CNBD1: variants seen among roughly 807,000 people sequenced by gnomAD.
CNBD1 encodes cyclic nucleotide-binding domain-containing protein 1.
CNBD1 carries 71 observed loss-of-function variants against 54.4 expected under a neutral mutation model. That is an observed-to-expected ratio of 1.30 (90% CI 1.08 to 1.59). The LOEUF is 1.59. Ranked by LOEUF, CNBD1 falls within the 40% of genes most tolerant of loss-of-function variation. CNBD1 has a pLI of 0.00. For synonymous variants in CNBD1, 182 were observed against 170.7 expected (o/e 1.07, Z -0.51); for missense variants, 659 against 518.0 (o/e 1.27, Z -2.64).
chr8:87,341,903 A>T (rs1332338764), intron 8 of CNBD1, among the ~76,000 whole-genome samples: 1 of 151,282 alleles, frequency 6.6e-6, no homozygotes, highest in Non-Finnish European at 1.5e-5. Flanking sequence ...TACGAAACAG[A>T]CTAAGAATCT....
At chr8:87,402,132 C>A (rs1807576286) in intron 2 of CNBD1, among the ~76,000 whole-genome samples, 1 of 151,954 alleles carries the variant, frequency 6.6e-6, no homozygotes, top group Non-Finnish European at 1.5e-5. Flanking sequence ...GGCAAGAGAG[C>A]AAGTGTAGGG....
intron 4 of CNBD1, among the ~76,000 whole-genome samples, chr8:87,195,793 G>A (rs896541809): frequency 6.6e-5 from 10 of 151,414 alleles, no homozygotes; most frequent in African/African-American, 2.2e-4. Flanking sequence ...CACTGGTCTC[G>A]AACTCCTGAC....
downstream of CNBD1, among the ~76,000 whole-genome samples, chr8:87,383,971 G>A (rs1357176679): frequency 6.6e-6 from 1 of 151,992 alleles, no homozygotes; most frequent in African/African-American, 2.4e-5. Flanking sequence ...TGTTTGCCAG[G>A]ACTGGTAATG....
intron 4 of CNBD1, among the ~76,000 whole-genome samples, chr8:87,176,980 G>C (rs1813214709): frequency 6.6e-6 from 1 of 152,040 alleles, no homozygotes; most frequent in Admixed American, 6.6e-5. Flanking sequence ...TCTAGAACCA[G>C]GTTTAAGCCA....
intron 8 of CNBD1, among the ~76,000 whole-genome samples, chr8:87,328,303 G>T (rs757266390): frequency 1.3e-5 from 2 of 150,950 alleles, no homozygotes; most frequent in African/African-American, 4.9e-5. Flanking sequence ...GAATTTTTCT[G>T]GGCTTTTTAT....
intron 10 of CNBD1, among the ~76,000 whole-genome samples, chr8:87,362,751 T>A (rs967697739): frequency 1.3e-5 from 2 of 152,082 alleles, no homozygotes; most frequent in African/African-American, 2.4e-5. Context: ...TAAATTTATA[T>A]CCTTTTAGAT....
intron 8 of CNBD1, among the ~76,000 whole-genome samples, chr8:87,293,890 A>G (rs761551506): frequency 1.7e-4 from 26 of 152,238 alleles, no homozygotes; most frequent in Non-Finnish European, 3.5e-4. Flanking sequence ...GCTTTAGAAT[A>G]GTTGATCAAA....
intron 4 of CNBD1, among the ~76,000 whole-genome samples, chr8:87,188,758 A>T (rs2943171): frequency 0.45 from 65,492 of 146,274 alleles, 15,412 homozygotes; most frequent in Admixed American, 0.53. Context: ...CAAAAAAAAA[A>T]AAAAATAAAA....
At position 87,370,048 on chromosome 8, in the gene CNBD1, G is replaced by T. The variant is rs189167703; in HGVS notation, c.1304-12572G>T. Reference sequence around the variant, plus strand: ...CGATTTCATCCATGTCCCTACAAAGGACATGAACTCATCATTTTTTATGGC... The same window carrying T: ...CGATTTCATCCATGTCCCTACAAAGTACATGAACTCATCATTTTTTATGGC... On this transcript the variant is annotated intron_variant, in intron 10 of 10. Transcript: ENST00000518476. Among the ~76,000 whole-genome samples the T allele has an allele frequency of 1.7e-3, 253 of 152,022 alleles. 5 individuals carry two copies. The Middle Eastern group carries it at 0.027, about 16-fold the overall frequency.
intron 4 of CNBD1, among the ~76,000 whole-genome samples, chr8:87,178,389 T>C (rs1421232369): frequency 6.6e-6 from 1 of 152,094 alleles, no homozygotes; most frequent in Non-Finnish European, 1.5e-5. Context: ...AATGCAGATA[T>C]CTGGAGAAAG....
intron 1 of CNBD1, among the ~76,000 whole-genome samples, chr8:86,876,172 T>G (rs1439680862): frequency 1.1e-5 from 1 of 88,684 alleles, no homozygotes; most frequent in African/African-American, 5.6e-5. Context: ...TTGATACCTG[T>G]GTGTGTGTGT....
At chr8:87,370,001 G>C (rs529583620) in intron 10 of CNBD1, among the ~76,000 whole-genome samples, 18 of 151,944 alleles carry the variant, frequency 1.2e-4, no homozygotes, top group Non-Finnish European at 2.6e-4. Flanking sequence ...CCCTGCAATA[G>C]TTTACTGAGA....
At chr8:86,870,863 G>T (rs1808434042) in intron 1 of CNBD1, among the ~76,000 whole-genome samples, 1 of 152,034 alleles carries the variant, frequency 6.6e-6, no homozygotes, top group African/African-American at 2.4e-5. Flanking sequence ...GGAGTAAAAG[G>T]TGGGAAAAAG....
intron 4 of CNBD1, among the ~76,000 whole-genome samples, chr8:87,123,807 T>G (rs1359032298): frequency 6.6e-6 from 1 of 151,526 alleles, no homozygotes; most frequent in African/African-American, 2.4e-5. Flanking sequence ...TAAATAAAAT[T>G]AGAAATATAA....
chr8:87,260,631 T>G (rs933067773), intron 6 of CNBD1, among the ~76,000 whole-genome samples: 4 of 152,166 alleles, frequency 2.6e-5, no homozygotes, highest in Non-Finnish European at 5.9e-5. Context: ...CTTACCCTTT[T>G]GCCAGGATGC....
At chr8:87,021,806 G>T (rs1809493427) in intron 4 of CNBD1, among the ~76,000 whole-genome samples, 1 of 152,120 alleles carries the variant, frequency 6.6e-6, no homozygotes, top group Non-Finnish European at 1.5e-5. Flanking sequence ...GAATAAAAAT[G>T]TAAAGAAAAT....
At chr8:87,158,387 T>C (rs1411544875) in intron 4 of CNBD1, among the ~76,000 whole-genome samples, 2 of 152,174 alleles carry the variant, frequency 1.3e-5, no homozygotes, top group African/African-American at 4.8e-5. Context: ...ATGAAATTGA[T>C]TATATAAAAA....
chr8:87,140,523 G>T (rs1332913023), intron 4 of CNBD1, among the ~76,000 whole-genome samples: 2 of 152,102 alleles, frequency 1.3e-5, no homozygotes, highest in African/African-American at 2.4e-5. Context: ...AAAGAGCCTT[G>T]ATGGCTTAAG....
At chr8:87,016,101 A>G (rs1190539724) in intron 4 of CNBD1, among the ~76,000 whole-genome samples, 1 of 146,776 alleles carries the variant, frequency 6.8e-6, no homozygotes, top group Admixed American at 6.6e-5. Flanking sequence ...CTAATCAAAT[A>G]ACTTAAAAAT....
Sources: allele counts gnomAD v4.1 joint callset (sites outside exome capture counted in the v4.1 genomes callset), GRCh38; gene constraint gnomAD v4.1.1; transcripts MANE v1.5; gene names NCBI Gene and HGNC (gene_info 2026-07-23, HGNC 2026-07-21).